The following NLGN1 variants were observed in gnomAD, a reference collection of about 807,000 sequenced individuals.
NLGN1 encodes neuroligin-1.
In NLGN1, 12 loss-of-function variants were observed where a neutral mutation model predicts 65.5. The observed-to-expected ratio is 0.18, with a 90% CI of 0.12 to 0.30. NLGN1 has a LOEUF of 0.30. NLGN1 is among the 10% of genes least tolerant of loss of function. NLGN1 has a pLI of 1.00. For missense variants in NLGN1, 750 were observed against 1,007.1 expected (o/e 0.74, Z 3.46); for synonymous variants, 350 against 359.5 (o/e 0.97, Z 0.30).
intron 4 of NLGN1, among the ~76,000 whole-genome samples, chr3:174,195,805 T>C (rs1165480384): frequency 6.7e-6 from 1 of 148,170 alleles, no homozygotes; most frequent in Admixed American, 6.7e-5. Flanking sequence ...AAAACTGCCT[T>C]CTTCAGGGGA....
intron 3 of NLGN1, among the ~76,000 whole-genome samples, chr3:173,745,105 A>G (rs982084087): frequency 3.9e-5 from 6 of 152,122 alleles, no homozygotes; most frequent in African/African-American, 1.4e-4. Context: ...AACAAGCACA[A>G]TGGCAGTTGT....
chr3:174,275,612 C>T, intron 5 of NLGN1, 85 bp downstream of exon 5: 1 of 778,624 alleles, frequency 1.3e-6, no homozygotes, highest in Non-Finnish European at 2.2e-6. Flanking sequence ...GTATATTTCT[C>T]TGTTCAAACT....
At chr3:173,803,825 GT>G (rs371122656) in intron 3 of NLGN1, among the ~76,000 whole-genome samples, 1 of 151,870 alleles carries the variant, frequency 6.6e-6, no homozygotes, top group Admixed American at 6.6e-5. Context: ...CTTGAAATGT[GT>G]TTTTTTATAA....
At chr3:174,156,053 A>G (rs1345681628) in intron 4 of NLGN1, among the ~76,000 whole-genome samples, 2 of 151,914 alleles carry the variant, frequency 1.3e-5, no homozygotes, top group Non-Finnish European at 1.5e-5. Context: ...TGTGAGAAGA[A>G]CATTTACTAC....
At chr3:174,181,411 C>G (rs908938349) in intron 4 of NLGN1, among the ~76,000 whole-genome samples, 22 of 152,044 alleles carry the variant, frequency 1.4e-4, no homozygotes, top group African/African-American at 5.3e-4. Flanking sequence ...AAATTAAGTA[C>G]CCCTCCTCAG....
intron 2 of NLGN1, among the ~76,000 whole-genome samples, chr3:173,499,893 G>C (rs1342149675): frequency 2.0e-5 from 3 of 151,738 alleles, no homozygotes; most frequent in African/African-American, 7.3e-5. Flanking sequence ...TGTGATTTTT[G>C]GGCATTGATT....
intron 4 of NLGN1, among the ~76,000 whole-genome samples, chr3:173,954,310 A>G (rs1242869227): frequency 6.6e-6 from 1 of 152,110 alleles, no homozygotes; most frequent in African/African-American, 2.4e-5. Flanking sequence ...AGATGTAATC[A>G]TCTACATCAG....
intron 2 of NLGN1, among the ~76,000 whole-genome samples, chr3:173,456,684 A>T (rs1577581466): frequency 6.6e-6 from 1 of 152,060 alleles, no homozygotes; most frequent in African/African-American, 2.4e-5. Flanking sequence ...GTGGAAAATC[A>T]CCCAGGTAAT....
At chr3:173,442,275 G>C (rs761768427) in intron 2 of NLGN1, among the ~76,000 whole-genome samples, 1 of 152,026 alleles carries the variant, frequency 6.6e-6, no homozygotes, top group Non-Finnish European at 1.5e-5. Flanking sequence ...GGGGTTTTTC[G>C]TGTATAAAGA....
chr3:174,277,654 G>T (rs1750832674), intron 5 of NLGN1, among the ~76,000 whole-genome samples: 2 of 151,820 alleles, frequency 1.3e-5, no homozygotes, highest in East Asian at 3.9e-4. Flanking sequence ...TACTTATAAA[G>T]ATGTCAGAAA....
At chr3:173,756,572 G>T (rs1039428434) in intron 3 of NLGN1, among the ~76,000 whole-genome samples, 6 of 151,676 alleles carry the variant, frequency 4.0e-5, no homozygotes, top group African/African-American at 1.5e-4. Context: ...ACTAAAAAAG[G>T]CTTAGAAATA....
chr3:173,655,449 C>T (rs1759851069), intron 3 of NLGN1, among the ~76,000 whole-genome samples: 1 of 151,942 alleles, frequency 6.6e-6, no homozygotes, highest in South Asian at 2.1e-4. Flanking sequence ...CTGGTTATAA[C>T]AAATGAATTT....
chr3:173,600,317 A>G (rs544458408), intron 2 of NLGN1, among the ~76,000 whole-genome samples: 1 of 152,120 alleles, frequency 6.6e-6, no homozygotes, highest in East Asian at 1.9e-4. Context: ...ACAAGGATCC[A>G]CTCTATATTG....
At chr3:173,759,885 G>C (rs1242475951) in intron 3 of NLGN1, among the ~76,000 whole-genome samples, 3 of 151,402 alleles carry the variant, frequency 2.0e-5, no homozygotes, top group African/African-American at 7.3e-5. Flanking sequence ...TCCTCTAAGG[G>C]CTTTATTGTT....
chr3:174,252,242 G>A (rs1744916569), intron 4 of NLGN1, among the ~76,000 whole-genome samples: 1 of 152,100 alleles, frequency 6.6e-6, no homozygotes, highest in South Asian at 2.1e-4. Flanking sequence ...AAATAGTTAA[G>A]TGTGGATAAA....
chr3:173,526,586 A>C (rs1013237963), intron 2 of NLGN1, among the ~76,000 whole-genome samples: 1 of 152,164 alleles, frequency 6.6e-6, no homozygotes, highest in African/African-American at 2.4e-5. Flanking sequence ...TCAAGCATTT[A>C]TCCTTTGTGT....
intron 4 of NLGN1, among the ~76,000 whole-genome samples, chr3:174,059,736 G>C (rs1270942050): frequency 3.3e-5 from 5 of 152,114 alleles, no homozygotes; most frequent in African/African-American, 1.2e-4. Flanking sequence ...GCTAATTCTT[G>C]TAATAACTCC....
chr3:174,014,035 A>G, intron 4 of NLGN1, among the ~76,000 whole-genome samples: 1 of 152,102 alleles, frequency 6.6e-6, no homozygotes, highest in Non-Finnish European at 1.5e-5. Context: ...TTTTCTAAAG[A>G]TACTACTAAT....
At chr3:174,242,540 C>A (rs1486763921) in intron 4 of NLGN1, among the ~76,000 whole-genome samples, 1 of 152,092 alleles carries the variant, frequency 6.6e-6, no homozygotes, top group African/African-American at 2.4e-5. Context: ...GCATTAGATT[C>A]TCATAGGAAC....
Sources: allele counts gnomAD v4.1 joint callset (sites outside exome capture counted in the v4.1 genomes callset), GRCh38; gene constraint gnomAD v4.1.1; transcripts MANE v1.5; gene names NCBI Gene and HGNC (gene_info 2026-07-23, HGNC 2026-07-21).